STX18: variants seen among roughly 807,000 people sequenced by gnomAD.
The protein encoded by STX18 is syntaxin-18.
Under a neutral mutation model 50.1 loss-of-function variants are expected in STX18, and 40 were observed. That is an observed-to-expected ratio of 0.80 (90% CI 0.62 to 1.04). The LOEUF is 1.04. STX18 is among the 50% of genes least tolerant of loss of function. The pLI, the probability that STX18 is intolerant of heterozygous loss-of-function variation, is 0.00. For missense variants in STX18, 410 were observed against 415.8 expected (o/e 0.99, Z 0.12); for synonymous variants, 158 against 151.8 (o/e 1.04, Z -0.30).
chr4:4,425,386 C>G, intron 7 of STX18, 164 bp from the exon 8 acceptor site: 1 of 638,538 alleles, frequency 1.6e-6, no homozygotes, highest in Non-Finnish European at 2.8e-6. Flanking sequence ...GTGTGAACAA[C>G]GTCCCTGCTT....
At chr4:4,494,186 C>T (rs1164167882) in intron 1 of STX18, among the ~76,000 whole-genome samples, 2 of 152,198 alleles carry the variant, frequency 1.3e-5, no homozygotes, top group Non-Finnish European at 2.9e-5. Context: ...ATAATGATCA[C>T]AGCACCAAGA....
At chr4:4,459,028 CACAT>C (rs1041633068) in intron 3 of STX18, among the ~76,000 whole-genome samples, 2 of 151,640 alleles carry the variant, frequency 1.3e-5, no homozygotes, top group Admixed American at 6.6e-5. Flanking sequence ...CACACCCACA[CACAT>C]ACAATTTGCC....
chr4:4,438,440 A>G lies in STX18; in HGVS notation c.567T>C (p.Ser189=), dbSNP rs777564284. The G allele has an allele frequency of 6.2e-7, 1 of 1,613,682 alleles. No homozygotes were observed. Among genetic ancestry groups the G allele is most frequent in the East Asian group, 2.2e-5 (1 of 44,874 alleles). The change falls in exon 6 of 11, where the codon AGT becomes AGC. Residue 189 remains serine (S), a synonymous_variant. Transcript: ENST00000306200. ...ESTSSEKVSQ[S]PSKDSEENPA... ...GGTTTTCTTCAGAGTCTTTTGAAGGACTCTGTGAAACTTTCTCAGAAGATG... is the reference window on the plus strand; with the variant it reads ...GGTTTTCTTCAGAGTCTTTTGAAGGGCTCTGTGAAACTTTCTCAGAAGATG...
At chr4:4,485,203 T>C (rs1047987323) in intron 1 of STX18, among the ~76,000 whole-genome samples, 2 of 152,208 alleles carry the variant, frequency 1.3e-5, no homozygotes, top group Non-Finnish European at 2.9e-5. Flanking sequence ...CTTGAGACAG[T>C]AATAATGCTG....
rs546885199 is a variant in STX18, at chr4:4,541,432, C to T, written c.168+365G>A. 1.3e-3 allele frequency among the ~76,000 whole-genome samples: 192 copies of T among 152,284 alleles called. 2 individuals are homozygous for T. Among genetic ancestry groups the T allele is most frequent in the African/African-American group, 4.4e-3 (181 of 41,558 alleles). On this transcript the variant is annotated intron_variant, in intron 1 of 10. Transcript: ENST00000306200. Reference sequence around the variant, plus strand: ...GGCAAATATGGTGTGGTCAGTGCTGCAACAGGAAGCGAAGGACTGTCAGGA... The same window carrying T: ...GGCAAATATGGTGTGGTCAGTGCTGTAACAGGAAGCGAAGGACTGTCAGGA...
At chr4:4,434,687 G>C (rs1329125429) in intron 7 of STX18, 83 bp downstream of exon 7, 1 of 1,078,494 alleles carries the variant, frequency 9.3e-7, no homozygotes, top group East Asian at 2.5e-5. Flanking sequence ...AAGGGCAAGG[G>C]CATTGAGGAT....
Position 4,426,406 on chromosome 4 carries a change from G to A in STX18, c.703-1184C>T, listed in dbSNP as rs114107521. 767 of 152,316 alleles carry A rather than the reference G, an allele frequency of 5.0e-3. 3 individuals are homozygous for A. The highest frequency in any genetic ancestry group is 8.7e-3 in the Non-Finnish European group (595 of 68,030). The allele number at this position is 152,316 out of a possible 1,614,324, so 9.4% of individuals were successfully genotyped here. A position where few individuals can be genotyped will look rare whatever the true frequency, so the allele number is the denominator to read the frequency against. On this transcript the variant is annotated intron_variant, in intron 7 of 10. Coordinates refer to ENST00000306200, the MANE Select transcript of STX18 (RefSeq NM_016930.4). ...AGCAAGCCTCTGGAGGCTCCGAATC[G>A]ATGGAAGATCTGGCTTATCACTTGC...
Position 4,420,424 on chromosome 4 carries a change from C to T in STX18, c.913-295G>A. 4.6e-6 allele frequency: 2 copies of T among 432,318 alleles called. No homozygotes were observed. The highest frequency in any genetic ancestry group is 8.4e-6 in the Non-Finnish European group (2 of 237,128). The allele number at this position is 432,318 out of a possible 1,614,324, so 26.8% of individuals were successfully genotyped here. A position where few individuals can be genotyped will look rare whatever the true frequency, so the allele number is the denominator to read the frequency against. Reference sequence around the variant, plus strand: ...GCCCCGAGCAGAGTGTGACCGCAAGCTTTGTGTTTCCCAGTAACATGATGT... The same window carrying T: ...GCCCCGAGCAGAGTGTGACCGCAAGTTTTGTGTTTCCCAGTAACATGATGT... On this transcript the variant is annotated intron_variant, in intron 10 of 10. Coordinates refer to ENST00000306200, the MANE Select transcript of STX18 (RefSeq NM_016930.4). This position sits in a 1 kb window ranked among gnomAD's most constrained non-coding sequence, Gnocchi z 4.3.
rs192958945 is a variant in STX18, at chr4:4,467,394, A to C, written c.236+4245T>G. Among the ~76,000 whole-genome samples, 239 of 152,294 alleles carry C rather than the reference A, an allele frequency of 1.6e-3. 3 individuals are homozygous for C. The highest frequency in any genetic ancestry group is 1.5e-3 in the Non-Finnish European group (100 of 68,028). On this transcript the variant is annotated intron_variant, in intron 2 of 10. Coordinates refer to ENST00000306200, the MANE Select transcript of STX18 (RefSeq NM_016930.4). ...GGAGGTTAAAGGCAAGATGGAGTTG[A>C]TTAGGTCAGATCTCGTTCGCTGTCA...
chr4:4,540,874 G>C (rs1389223901), intron 1 of STX18, among the ~76,000 whole-genome samples: 1 of 152,200 alleles, frequency 6.6e-6, no homozygotes, highest in African/African-American at 2.4e-5. Context: ...AGGATTTACT[G>C]TGAAATTAAT....
chr4:4,458,912 GT>G (rs1433284347), intron 3 of STX18, among the ~76,000 whole-genome samples: 1 of 152,176 alleles, frequency 6.6e-6, no homozygotes, highest in African/African-American at 2.4e-5. Flanking sequence ...TGATAGGAAA[GT>G]TTACTTGAAT....
At chr4:4,491,022 T>A (rs187843074) in intron 1 of STX18, among the ~76,000 whole-genome samples, 1 of 152,040 alleles carries the variant, frequency 6.6e-6, no homozygotes, top group Non-Finnish European at 1.5e-5. Flanking sequence ...GTGGTCCAAA[T>A]GTACATTTGT....
intron 1 of STX18, 37 bp from the exon 2 acceptor site, chr4:4,471,743 T>C: frequency 7.4e-7 from 1 of 1,355,822 alleles, no homozygotes; most frequent in Non-Finnish European, 1.0e-6. Context: ...TTTATATAGA[T>C]ATGTTACACT....
chr4:4,457,155 TATTA>T lies in STX18; in HGVS notation c.497+32_497+35del, dbSNP rs750030946. The T allele has an allele frequency of 1.9e-5, 29 of 1,564,058 alleles. No homozygotes were observed. The East Asian group carries it at 5.4e-4, about 29-fold the overall frequency. On this transcript the variant is annotated intron_variant, in intron 5 of 10. Transcript: ENST00000306200. ...TAACTGCTATTATTAGTAGTACTAT[TATTA>T]ATTAAGAAACACCAATGAAAGCAAT...
intron 1 of STX18, among the ~76,000 whole-genome samples, chr4:4,495,949 G>A (rs900619411): frequency 1.4e-4 from 21 of 152,114 alleles, no homozygotes; most frequent in African/African-American, 4.8e-4. Context: ...CTGGGAAGGT[G>A]AATAAGAGCA....
At chr4:4,425,471 G>A in intron 7 of STX18, 1 of 585,992 alleles carries the variant, frequency 1.7e-6, no homozygotes, top group Non-Finnish European at 3.0e-6. Context: ...CACTCCAGGG[G>A]TACAAGCTGA....
chr4:4,527,251 CA>C (rs1016328230), intron 1 of STX18, among the ~76,000 whole-genome samples: 5 of 152,146 alleles, frequency 3.3e-5, no homozygotes, highest in Non-Finnish European at 5.9e-5. Context: ...CATCAAACTA[CA>C]TATTTTGCAA....
intron 1 of STX18, among the ~76,000 whole-genome samples, chr4:4,512,655 G>T (rs2108894660): frequency 6.6e-6 from 1 of 152,284 alleles, no homozygotes; most frequent in Non-Finnish European, 1.5e-5. Flanking sequence ...TGCATTTGAG[G>T]CACGTTTGTG....
At chr4:4,449,483 T>A (rs1184001365) in intron 5 of STX18, among the ~76,000 whole-genome samples, 1 of 152,202 alleles carries the variant, frequency 6.6e-6, no homozygotes, top group Non-Finnish European at 1.5e-5. Context: ...TCTCCTTGAG[T>A]TTCACGGCCT....
Sources: allele counts gnomAD v4.1 joint callset (sites outside exome capture counted in the v4.1 genomes callset), GRCh38; gene constraint gnomAD v4.1.1; non-coding constraint Gnocchi (gnomAD v3.1); transcripts MANE v1.5; gene names NCBI Gene and HGNC (gene_info 2026-07-23, HGNC 2026-07-21).